The following ADPRHL1 variants were observed in gnomAD, a reference collection of about 807,000 sequenced individuals.
ADPRHL1 encodes ADP-ribosylhydrolase like 1, also known as inactive ADP-ribosyltransferase ARH2.
Under a neutral mutation model 44.1 loss-of-function variants are expected in ADPRHL1, and 43 were observed. The observed-to-expected ratio is 0.98, with a 90% CI of 0.76 to 1.26. ADPRHL1 has a LOEUF of 1.26. ADPRHL1 is among the 50% of genes most tolerant of loss of function. The probability of loss-of-function intolerance (pLI) is 0.00; values close to 1 mark genes in which losing one functional copy is unlikely to be tolerated. For synonymous variants in ADPRHL1, 878 were observed against 1,017.4 expected (o/e 0.86, Z 2.61); for missense variants, 2,022 against 2,496.9 (o/e 0.81, Z 4.05).
chr13:113,405,094 C>G lies in ADPRHL1; in HGVS notation c.4188G>C (p.Gly1396=). Residue 1396 remains glycine, a synonymous_variant, in exon 8 of 8, where the codon GGG becomes GGC. Coordinates refer to ENST00000612156, the MANE Select transcript of ADPRHL1 (RefSeq NM_001394807.1). The part of the protein sequence containing the change: ...QEETPQPGDA[G]KRVAPSGSKV... ...TCGAGCCCGACGGCGCCACCCTCTT[C>G]CCCGCATCCCCGGGCTGGGGGGTCT... is the stretch of plus-strand genomic sequence containing the variant. 8.1e-7 allele frequency: 1 copy of G among 1,232,226 alleles called. No homozygotes were observed. The allele number at this position is 1,232,226 out of a possible 1,614,324, so 76.3% of individuals were successfully genotyped here.
At position 113,409,137 on chromosome 13, in the gene ADPRHL1, A is replaced by G. The variant is rs1248693323; in HGVS notation, c.1062-917T>C. Reference sequence around the variant, plus strand: ...TCCTTCCCACCAGCCCAGCTTTCAAAGAGACGGGACCAAATGGGTCTTGGC... The same window carrying G: ...TCCTTCCCACCAGCCCAGCTTTCAAGGAGACGGGACCAAATGGGTCTTGGC... On this transcript the variant is annotated intron_variant, in intron 7 of 7. Coordinates refer to ENST00000612156, the MANE Select transcript of ADPRHL1 (RefSeq NM_001394807.1). This position sits in a 1 kb window ranked among gnomAD's most constrained non-coding sequence, Gnocchi z 4.2. Among the ~76,000 whole-genome samples, 1 of 152,190 alleles carries G rather than the reference A, an allele frequency of 6.6e-6. No individual in the cohort carries two copies. Among genetic ancestry groups the G allele is most frequent in the African/African-American group, 2.4e-5 (1 of 41,452 alleles).
At chr13:113,414,210 G>A (rs1216212119) in intron 7 of ADPRHL1, among the ~76,000 whole-genome samples, 4 of 152,224 alleles carry the variant, frequency 2.6e-5, no homozygotes, top group East Asian at 1.9e-4. Context: ...CTCAGAACAC[G>A]GACCAGCCTC....
chr13:113,422,797 TA>T (rs765930800), intron 7 of ADPRHL1, 28 bp downstream of exon 7: 1 of 1,612,426 alleles, frequency 6.2e-7, no homozygotes, highest in South Asian at 1.1e-5. Flanking sequence ...ATCGGCTCTC[TA>T]GGGGGAAAGT....
At chr13:113,422,634 G>A (rs2043933393) in intron 7 of ADPRHL1, 192 bp downstream of exon 7, 1 of 740,498 alleles carries the variant, frequency 1.4e-6, no homozygotes, top group Non-Finnish European at 2.1e-6. Context: ...AAATATTCTC[G>A]CAGGACAAAC....
intron 7 of ADPRHL1, chr13:113,422,151 C>T (rs2139615703): frequency 6.6e-6 from 1 of 152,370 alleles, no homozygotes; most frequent in South Asian, 2.1e-4. Flanking sequence ...CCCACTAAGG[C>T]AGACCACAGA....
At chr13:113,444,902 C>T (rs897985687) in intron 1 of ADPRHL1, among the ~76,000 whole-genome samples, 12 of 152,192 alleles carry the variant, frequency 7.9e-5, no homozygotes, top group Admixed American at 4.6e-4. Flanking sequence ...GGATTACAGG[C>T]GTGAGCCACT....
chr13:113,445,402 A>G (rs1035091275), intron 1 of ADPRHL1, among the ~76,000 whole-genome samples: 2 of 152,268 alleles, frequency 1.3e-5, no homozygotes. Flanking sequence ...CTAAAATCAG[A>G]GCCCTGGTGC....
chr13:113,443,682 C>T (rs371260770), intron 2 of ADPRHL1, among the ~76,000 whole-genome samples: 17 of 151,988 alleles, frequency 1.1e-4, no homozygotes, highest in African/African-American at 3.1e-4. Flanking sequence ...TGGTGGCTCA[C>T]GCCTGTAATC....
chr13:113,406,661 C>A lies in ADPRHL1; in HGVS notation c.2621G>T (p.Gly874Val), dbSNP rs1054322545. ...GGCATTTTCAACCACATTCTCTCCT[C>A]CACAAATACAAGGTTTGTTTTCACC... ...SSGENKPCIC[G>V]GENVVENAHT... Residue 874 changes from glycine (G) to valine (V), a missense_variant, in exon 8 of 8, where the codon GGA becomes GTA. This residue lies in a region of ADPRHL1 where 1,221 missense variants were observed against 1,517.8 expected (regional missense o/e 0.80). Coordinates refer to ENST00000612156, the MANE Select transcript of ADPRHL1 (RefSeq NM_001394807.1). 4 of 1,164,238 alleles carry A rather than the reference C, an allele frequency of 3.4e-6. No homozygotes were observed. The highest frequency in any genetic ancestry group is 3.1e-6 in the Non-Finnish European group (3 of 961,508). The allele number at this position is 1,164,238 out of a possible 1,614,324, so 72.1% of individuals were successfully genotyped here.
chr13:113,433,667 T>G, intron 3 of ADPRHL1, 75 bp downstream of exon 3: 2 of 1,428,482 alleles, frequency 1.4e-6, no homozygotes, highest in East Asian at 2.8e-5. Context: ...ACCCCACACT[T>G]AACCTGTGAG....
In ADPRHL1 at chr13:113,408,237, A is replaced by G; in HGVS notation, c.1062-17T>C. Reference sequence around the variant, plus strand: ...CTCTTCCGGCTGCAGAGAAAAAGGAATCATCACCTACTTCATCATCATTTT... The same window carrying G: ...CTCTTCCGGCTGCAGAGAAAAAGGAGTCATCACCTACTTCATCATCATTTT... On this transcript the variant is annotated splice_polypyrimidine_tract_variant and intron_variant, in intron 7 of 7. Coordinates refer to ENST00000612156, the MANE Select transcript of ADPRHL1 (RefSeq NM_001394807.1). The G allele has an allele frequency of 8.1e-7, 1 of 1,231,928 alleles. No homozygotes were observed. Among genetic ancestry groups the G allele is most frequent in the Admixed American group, 4.2e-5 (1 of 23,722 alleles). The allele number at this position is 1,231,928 out of a possible 1,614,324, so 76.3% of individuals were successfully genotyped here.
Position 113,453,206 on chromosome 13 carries a change from G to C in ADPRHL1, c.214+18C>G. 6.2e-7 allele frequency: 1 copy of C among 1,613,050 alleles called. No individual in the cohort carries two copies. Among genetic ancestry groups the C allele is most frequent in the South Asian group, 1.1e-5 (1 of 91,044 alleles). On this transcript the variant is annotated intron_variant, in intron 1 of 7. Coordinates refer to ENST00000612156, the MANE Select transcript of ADPRHL1 (RefSeq NM_001394807.1). This position sits in a 1 kb window ranked among gnomAD's most constrained non-coding sequence, Gnocchi z 5.4. ...TTCCCTCCAGCCCGCACACCGGAGC[G>C]CGGTGGGCCCAGCCTACCTGTGGTG... is the stretch of plus-strand genomic sequence containing the variant.
intron 7 of ADPRHL1, among the ~76,000 whole-genome samples, chr13:113,412,572 C>T (rs545936484): frequency 2.0e-5 from 3 of 152,374 alleles, no homozygotes; most frequent in East Asian, 1.9e-4. Flanking sequence ...CCTGCATGGG[C>T]GGGACCCCTG....
intron 7 of ADPRHL1, among the ~76,000 whole-genome samples, chr13:113,412,368 C>T (rs1327720336): frequency 2.0e-5 from 3 of 152,118 alleles, no homozygotes; most frequent in East Asian, 1.9e-4. Flanking sequence ...TTAGTAGAGA[C>T]GGGGTTTCAC....
intron 4 of ADPRHL1, among the ~76,000 whole-genome samples, chr13:113,427,448 C>T (rs1029769128): frequency 1.4e-4 from 22 of 152,208 alleles, no homozygotes; most frequent in Non-Finnish European, 8.8e-5. Flanking sequence ...AGGCTGACCT[C>T]GAACTCCTGA....
intron 3 of ADPRHL1, among the ~76,000 whole-genome samples, chr13:113,430,157 C>T (rs1219098749): frequency 2.0e-5 from 3 of 152,186 alleles, no homozygotes; most frequent in Admixed American, 6.5e-5. Flanking sequence ...AGGCTCCCAT[C>T]CACCATTGCA....
At position 113,409,669 on chromosome 13, in the gene ADPRHL1, G is replaced by C. The variant is rs908551760; in HGVS notation, c.1062-1449C>G. 2 of 921,996 alleles carry C rather than the reference G, an allele frequency of 2.2e-6. No homozygotes were observed. The highest frequency in any genetic ancestry group is 3.6e-5 in the African/African-American group (2 of 55,932). 57.1% of individuals were successfully genotyped at this position (921,996 alleles called of 1,614,324 possible). ...TGGGAGGCCGAGGCTGGCAGATCAC[G>C]AGGTCAGGAGATCGAGACCATCCTG... On this transcript the variant is annotated intron_variant, in intron 7 of 7. Coordinates refer to ENST00000612156, the MANE Select transcript of ADPRHL1 (RefSeq NM_001394807.1). This position sits in a 1 kb window ranked among gnomAD's most constrained non-coding sequence, Gnocchi z 4.2.
intron 7 of ADPRHL1, among the ~76,000 whole-genome samples, chr13:113,419,442 A>G (rs1272753613): frequency 6.6e-6 from 1 of 151,678 alleles, no homozygotes; most frequent in Non-Finnish European, 1.5e-5. Flanking sequence ...GTCTTGGAGA[A>G]AGAAAAATAA....
intron 1 of ADPRHL1, among the ~76,000 whole-genome samples, chr13:113,448,241 T>G (rs2044155347): frequency 6.6e-6 from 1 of 151,844 alleles, no homozygotes; most frequent in African/African-American, 2.4e-5. Flanking sequence ...ACACCTGTAA[T>G]CCCAGCACTT....
Sources: allele counts gnomAD v4.1 joint callset (sites outside exome capture counted in the v4.1 genomes callset), GRCh38; gene constraint gnomAD v4.1.1; regional missense constraint gnomAD v4.1.1; non-coding constraint Gnocchi (gnomAD v3.1); transcripts MANE v1.5; gene names NCBI Gene and HGNC (gene_info 2026-07-23, HGNC 2026-07-21).